The following PTPRD variants were observed in gnomAD, a reference collection of about 807,000 sequenced individuals.
PTPRD encodes the protein protein tyrosine phosphatase receptor type D.
In PTPRD, 34 loss-of-function variants were observed where a neutral mutation model predicts 214.5. The ratio of observed to expected loss-of-function variants is 0.16; its 90% CI spans 0.12 to 0.21. The LOEUF is 0.21. PTPRD is among the 10% of genes least tolerant of loss of function. The pLI, the probability that PTPRD is intolerant of heterozygous loss-of-function variation, is 1.00. For synonymous variants in PTPRD, 1,128 were observed against 845.7 expected (o/e 1.33, Z -5.79); for missense variants, 2,545 against 2,398.7 (o/e 1.06, Z -1.27).
At chr9:10,278,791 T>C (rs555352290) in intron 3 of PTPRD, among the ~76,000 whole-genome samples, 2 of 152,104 alleles carry the variant, frequency 1.3e-5, no homozygotes, top group South Asian at 4.1e-4. Context: ...TGTTTTGTTT[T>C]TCAGATGGAG....
At chr9:9,408,915 G>A (rs2074458556) in intron 8 of PTPRD, among the ~76,000 whole-genome samples, 1 of 151,704 alleles carries the variant, frequency 6.6e-6, no homozygotes, top group Admixed American at 6.6e-5. Flanking sequence ...GTATTAGTCT[G>A]GTGTGTTAGA....
intron 3 of PTPRD, among the ~76,000 whole-genome samples, chr9:10,168,822 G>A (rs1369937137): frequency 1.3e-5 from 2 of 152,034 alleles, no homozygotes; most frequent in African/African-American, 4.8e-5. Flanking sequence ...ATTACATAAT[G>A]AAATATACAT....
intron 9 of PTPRD, among the ~76,000 whole-genome samples, chr9:9,277,472 TA>T (rs1946104196): frequency 1.3e-5 from 2 of 151,378 alleles, no homozygotes; most frequent in African/African-American, 4.8e-5. Context: ...ATAATATAAA[TA>T]AAAAAGTCTG....
chr9:10,402,038 T>C (rs2098277641), intron 2 of PTPRD, among the ~76,000 whole-genome samples: 2 of 151,398 alleles, frequency 1.3e-5, no homozygotes, highest in African/African-American at 4.8e-5. Flanking sequence ...AAAATATTCA[T>C]AAAGTTTAAA....
At chr9:10,531,057 C>A (rs1260150000) in intron 2 of PTPRD, among the ~76,000 whole-genome samples, 1 of 151,948 alleles carries the variant, frequency 6.6e-6, no homozygotes, top group Non-Finnish European at 1.5e-5. Context: ...TCAAGTAATT[C>A]TCCTGCGTAA....
At chr9:9,842,104 A>T (rs1045397360) in intron 5 of PTPRD, among the ~76,000 whole-genome samples, 2 of 151,998 alleles carry the variant, frequency 1.3e-5, no homozygotes, top group African/African-American at 4.8e-5. Context: ...ATACATATTT[A>T]TACACTCATC....
At chr9:9,134,817 G>A (rs1035768965) in intron 10 of PTPRD, among the ~76,000 whole-genome samples, 1 of 152,144 alleles carries the variant, frequency 6.6e-6, no homozygotes, top group Admixed American at 6.5e-5. Flanking sequence ...GTGTGTGTGT[G>A]TGTGTGTTTT....
intron 4 of PTPRD, among the ~76,000 whole-genome samples, chr9:9,999,649 C>T (rs771322774): frequency 6.6e-6 from 1 of 152,194 alleles, no homozygotes; most frequent in Non-Finnish European, 1.5e-5. Context: ...TACACTATGA[C>T]ACCCACGATG....
At chr9:10,000,494 G>A (rs535258063) in intron 4 of PTPRD, among the ~76,000 whole-genome samples, 1 of 152,034 alleles carries the variant, frequency 6.6e-6, no homozygotes, top group Non-Finnish European at 1.5e-5. Context: ...CCGACATGAC[G>A]CCCCTTTTCA....
intron 4 of PTPRD, among the ~76,000 whole-genome samples, chr9:9,963,848 T>C (rs150091270): frequency 5.9e-5 from 9 of 152,328 alleles, no homozygotes; most frequent in East Asian, 3.9e-4. Context: ...TTCATCAACA[T>C]TGGAAACTAA....
At chr9:8,589,443 T>C (rs1326920342) in intron 14 of PTPRD, among the ~76,000 whole-genome samples, 1 of 152,244 alleles carries the variant, frequency 6.6e-6, no homozygotes, top group African/African-American at 2.4e-5. Context: ...CTTGATTCTT[T>C]ATAAATGTAT....
chr9:10,190,718 C>CAAAAAA (rs57891244), intron 3 of PTPRD, among the ~76,000 whole-genome samples: 27 of 44,186 alleles, frequency 6.1e-4, no homozygotes, highest in African/African-American at 1.3e-3. Context: ...AACTCTGTCT[C>CAAAAAA]AAAAAAAAAA....
intron 2 of PTPRD, among the ~76,000 whole-genome samples, chr9:10,432,193 A>T (rs931292097): frequency 2.3e-4 from 34 of 149,456 alleles, no homozygotes; most frequent in Non-Finnish European, 3.8e-4. Flanking sequence ...AGAACAAAAA[A>T]CCAAACACCG....
intron 35 of PTPRD, among the ~76,000 whole-genome samples, chr9:8,421,081 TG>T (rs1477611977): frequency 1.3e-5 from 2 of 152,164 alleles, no homozygotes; most frequent in Non-Finnish European, 2.9e-5. Context: ...AGACTTCTGC[TG>T]CAGCACAGTA....
Position 8,641,107 on chromosome 9 carries a change from C to G in PTPRD, c.65-4263G>C, listed in dbSNP as rs1007841057. 1.3e-4 allele frequency among the ~76,000 whole-genome samples: 19 copies of G among 148,520 alleles called. 4 individuals carry two copies. Among genetic ancestry groups the G allele is most frequent in the African/African-American group, 5.0e-4 (19 of 37,946 alleles). On this transcript the variant is annotated intron_variant, in intron 12 of 45. Transcript: ENST00000381196. ...GTTTAATAAAAGGAACATGATGAATCGTCTGCCTTATTTTGTCATAGATAT... is the reference window on the plus strand; with the variant it reads ...GTTTAATAAAAGGAACATGATGAATGGTCTGCCTTATTTTGTCATAGATAT...
intron 5 of PTPRD, among the ~76,000 whole-genome samples, chr9:9,802,762 T>C (rs184244253): frequency 4.6e-5 from 7 of 151,952 alleles, no homozygotes; most frequent in Admixed American, 3.9e-4. Flanking sequence ...TTTCTCCATA[T>C]ATTATCTGAG....
chr9:9,110,703 A>ATG (rs1474900374), intron 10 of PTPRD, among the ~76,000 whole-genome samples: 4 of 152,152 alleles, frequency 2.6e-5, no homozygotes, highest in Non-Finnish European at 5.9e-5. Flanking sequence ...CTGCCCACAG[A>ATG]CCACCATCAA....
intron 11 of PTPRD, among the ~76,000 whole-genome samples, chr9:8,817,580 G>A (rs1600753754): frequency 6.6e-6 from 1 of 152,100 alleles, no homozygotes; most frequent in Admixed American, 6.6e-5. Context: ...GCAGTGAGCT[G>A]TGATCACACC....
At chr9:8,513,147 G>C (rs2097715052) in intron 21 of PTPRD, among the ~76,000 whole-genome samples, 1 of 152,006 alleles carries the variant, frequency 6.6e-6, no homozygotes, top group Admixed American at 6.6e-5. Flanking sequence ...GAACTGAGAA[G>C]ATTGACCCAT....
Sources: allele counts gnomAD v4.1 joint callset (sites outside exome capture counted in the v4.1 genomes callset), GRCh38; gene constraint gnomAD v4.1.1; transcripts MANE v1.5; gene names NCBI Gene and HGNC (gene_info 2026-07-23, HGNC 2026-07-21).